Variants in FMR1NB observed in about 807,000 individuals in gnomAD.
The protein encoded by FMR1NB is FMR1 neighbor protein.
Under a neutral mutation model 16.8 loss-of-function variants are expected in FMR1NB, and 10 were observed. The observed-to-expected ratio is 0.60, with a 90% CI of 0.37 to 1.01. FMR1NB has a LOEUF of 1.01. Among genes scored for constraint, FMR1NB ranks in the 50% least tolerant of loss-of-function variants. FMR1NB has a pLI of 0.01. For missense variants in FMR1NB, 205 were observed against 204.8 expected (o/e 1.00, Z 0.00); for synonymous variants, 83 against 79.1 (o/e 1.05, Z -0.26).
intron 1 of FMR1NB, among the ~76,000 whole-genome samples, chrX:148,000,827 C>T (rs781956207): frequency 4.2e-4 from 47 of 111,676 alleles, no homozygotes; most frequent in Admixed American, 3.9e-3. Flanking sequence ...GACTCAAGAA[C>T]GCCCATTATT....
At chrX:147,989,422 TA>T (rs782240843) in intron 1 of FMR1NB, among the ~76,000 whole-genome samples, 18 of 111,954 alleles carry the variant, frequency 1.6e-4, no homozygotes, top group Non-Finnish European at 3.0e-4. Context: ...AGCTCTCCTG[TA>T]TGAGGCTCCT....
At chrX:148,016,507 G>A (rs782150628) in intron 4 of FMR1NB, among the ~76,000 whole-genome samples, 54 of 111,101 alleles carry the variant, frequency 4.9e-4, no homozygotes, top group Non-Finnish European at 9.8e-4. Flanking sequence ...TTGTTTTCTG[G>A]TGGCCTTGTG....
chrX:148,025,051 C>T, intron 5 of FMR1NB, 38 bp downstream of exon 5: 1 of 1,162,217 alleles, frequency 8.6e-7, no homozygotes, highest in Non-Finnish European at 1.2e-6. Context: ...AGTGCTCAAT[C>T]TCTGATTCTT....
intron 4 of FMR1NB, among the ~76,000 whole-genome samples, chrX:148,016,041 T>C (rs1557190109): frequency 1.8e-5 from 2 of 112,273 alleles, no homozygotes; most frequent in Admixed American, 9.4e-5. Context: ...TGAATTGGCC[T>C]CTATCATTAT....
Position 148,024,906 on chromosome X carries a change from T to C in FMR1NB, c.674T>C (p.Val225Ala). Residue 225 changes from valine to alanine, a missense_variant, in exon 5 of 6, where the codon GTA (valine) becomes GCA (alanine). Coordinates refer to ENST00000370467, the MANE Select transcript of FMR1NB (RefSeq NM_152578.3). Reference protein sequence around the residue: ...DDLQRQDNRVVTGLKKQRRKR... With the variant: ...DDLQRQDNRVATGLKKQRRKR... ...TTACAAAGGCAGGACAACAGAGTTG[T>C]AACGGGTTTGAAGAAACAAAGAAGG... 9 of 1,210,989 alleles carry C rather than the reference T, an allele frequency of 7.4e-6. No individual in the cohort carries two copies. The highest frequency in any genetic ancestry group is 1.0e-5 in the Non-Finnish European group (9 of 895,032).
intron 1 of FMR1NB, among the ~76,000 whole-genome samples, chrX:147,998,794 A>T (rs1334403042): frequency 8.9e-6 from 1 of 112,414 alleles, no homozygotes; most frequent in Non-Finnish European, 1.9e-5. Context: ...GTGATAGACT[A>T]CACTTTGAGA....
intron 4 of FMR1NB, among the ~76,000 whole-genome samples, chrX:148,018,994 C>T (rs1245944416): frequency 9.0e-6 from 1 of 111,686 alleles, no homozygotes; most frequent in Non-Finnish European, 1.9e-5. Context: ...AACAAACAAC[C>T]CCATCAAAAA....
chrX:147,991,320 C>T (rs1557187593), intron 1 of FMR1NB, among the ~76,000 whole-genome samples: 1 of 109,778 alleles, frequency 9.1e-6, no homozygotes, highest in Non-Finnish European at 1.9e-5. Flanking sequence ...CCTTTCTTAT[C>T]TCACCAGTAC....
chrX:148,002,931 C>T (rs1208226929), intron 1 of FMR1NB, among the ~76,000 whole-genome samples: 1 of 112,122 alleles, frequency 8.9e-6, no homozygotes, highest in Non-Finnish European at 1.9e-5. Flanking sequence ...TGCCATTTGT[C>T]AGAGGCAAGT....
intron 1 of FMR1NB, among the ~76,000 whole-genome samples, chrX:147,989,352 C>A (rs782140885): frequency 1.8e-5 from 2 of 112,010 alleles, no homozygotes; most frequent in Non-Finnish European, 1.9e-5. Context: ...GCAAAGATTG[C>A]TTTCTGCTCC....
At chrX:147,998,949 C>G (rs1222811388) in intron 1 of FMR1NB, among the ~76,000 whole-genome samples, 1 of 112,179 alleles carries the variant, frequency 8.9e-6, no homozygotes, top group Non-Finnish European at 1.9e-5. Flanking sequence ...TTAATTGTCG[C>G]TTTCATTTCA....
At chrX:147,991,394 C>A (rs2044503733) in intron 1 of FMR1NB, among the ~76,000 whole-genome samples, 1 of 110,062 alleles carries the variant, frequency 9.1e-6, no homozygotes, top group Non-Finnish European at 1.9e-5. Context: ...CAAAGGTATA[C>A]CCTCCATCTT....
At chrX:147,992,088 T>C (rs909504283) in intron 1 of FMR1NB, among the ~76,000 whole-genome samples, 24 of 111,962 alleles carry the variant, frequency 2.1e-4, no homozygotes, top group Non-Finnish European at 3.6e-4. Flanking sequence ...ACTATCTGAC[T>C]TCTCAATCCC....
At chrX:147,990,307 G>A (rs781790290) in intron 1 of FMR1NB, among the ~76,000 whole-genome samples, 64 of 111,380 alleles carry the variant, frequency 5.7e-4, no homozygotes, top group African/African-American at 2.0e-3. Context: ...CTCACCCTCC[G>A]TGGGCTTCAC....
intron 5 of FMR1NB, among the ~76,000 whole-genome samples, chrX:148,025,632 A>G (rs1191867071): frequency 8.9e-6 from 1 of 112,105 alleles, no homozygotes; most frequent in East Asian, 2.8e-4. Context: ...TTGGTGAGAA[A>G]CAAAGCTGTA....
At chrX:147,992,217 A>C (rs2044510618) in intron 1 of FMR1NB, among the ~76,000 whole-genome samples, 1 of 102,855 alleles carries the variant, frequency 9.7e-6, no homozygotes, top group African/African-American at 3.7e-5. Flanking sequence ...GGGGCTCCTC[A>C]CTTCCCAGTA....
intron 1 of FMR1NB, among the ~76,000 whole-genome samples, chrX:147,989,611 C>T (rs186995005): frequency 0.018 from 1,984 of 111,908 alleles, 101 homozygotes; most frequent in Admixed American, 0.16. Context: ...GCTGAAGCTG[C>T]GCCGACAGCC....
chrX:147,998,561 A>G (rs1557188383), intron 1 of FMR1NB, among the ~76,000 whole-genome samples: 1 of 112,273 alleles, frequency 8.9e-6, no homozygotes, highest in African/African-American at 3.2e-5. Flanking sequence ...TATGTAACAA[A>G]CCTGCACATT....
chrX:148,006,330 G>A (rs1455179396), intron 2 of FMR1NB, among the ~76,000 whole-genome samples: 7 of 111,841 alleles, frequency 6.3e-5, no homozygotes, highest in Non-Finnish European at 1.1e-4. Context: ...ACGTTAAGCC[G>A]GAGGATATAT....
Sources: gnomAD v4.1 joint callset for allele counts (sites outside exome capture counted in the v4.1 genomes callset) on GRCh38, gnomAD v4.1.1 for gene constraint, MANE v1.5 for transcripts, NCBI Gene and HGNC (gene_info 2026-07-23, HGNC 2026-07-21) for gene names.